The following LDHC variants were observed in gnomAD, a reference collection of about 807,000 sequenced individuals.
The protein encoded by LDHC is L-lactate dehydrogenase C chain.
In LDHC, 20 loss-of-function variants were observed where a neutral mutation model predicts 30.2. That is an observed-to-expected ratio of 0.66 (90% CI 0.47 to 0.96). The LOEUF (loss-of-function observed/expected upper bound fraction) is 0.96. LDHC is among the 40% of genes least tolerant of loss of function. The probability of loss-of-function intolerance (pLI) is 0.00; values close to 1 mark genes in which losing one functional copy is unlikely to be tolerated. For missense variants in LDHC, 362 were observed against 394.9 expected, an observed-to-expected ratio of 0.92 and a Z score of 0.71; for synonymous variants, 139 against 132.7, an observed-to-expected ratio of 1.05 and a Z score of -0.32.
intron 6 of LDHC, among the ~76,000 whole-genome samples, chr11:18,444,670 T>C (rs1477804532): frequency 1.4e-5 from 2 of 139,120 alleles, no homozygotes; most frequent in Admixed American, 7.5e-5. Flanking sequence ...GGCAACCAAG[T>C]GTGTTATGTG....
Position 18,426,604 on chromosome 11 carries a change from A to G in LDHC, c.245-3133A>G, listed in dbSNP as rs149846025. ...AGTGAAATCAGAACCTATTATTAAT[A>G]TTATGGTGCTTATGATTAAGTTAGG... is the stretch of plus-strand genomic sequence containing the variant. On this transcript the variant is annotated intron_variant, in intron 3 of 7. Coordinates refer to ENST00000541669, the MANE Select transcript of LDHC (RefSeq NM_017448.5). Among the ~76,000 whole-genome samples, 56 of 152,174 alleles carry G rather than the reference A, an allele frequency of 3.7e-4. 1 individual carries two copies. Among genetic ancestry groups the G allele is most frequent in the African/African-American group, 1.3e-3 (53 of 41,556 alleles).
At chr11:18,443,460 CTTT>C (rs34546967) in intron 6 of LDHC, among the ~76,000 whole-genome samples, 11 of 135,738 alleles carry the variant, frequency 8.1e-5, no homozygotes, top group South Asian at 4.7e-4. Context: ...TTCTTTCTTT[CTTT>C]TTTTTTTTTT....
chr11:18,431,305 A>G (rs1417764389), intron 4 of LDHC, among the ~76,000 whole-genome samples: 1 of 151,884 alleles, frequency 6.6e-6, no homozygotes, highest in Non-Finnish European at 1.5e-5. Flanking sequence ...TACTAAAAAT[A>G]CAAAATTAGC....
chr11:18,442,064 G>A (rs1349670216), intron 6 of LDHC, among the ~76,000 whole-genome samples: 1 of 147,002 alleles, frequency 6.8e-6, no homozygotes, highest in African/African-American at 2.6e-5. Context: ...CAACAGTTTT[G>A]TTTTTTGTTT....
chr11:18,448,428 C>T (rs529668381), intron 7 of LDHC, among the ~76,000 whole-genome samples: 18 of 152,076 alleles, frequency 1.2e-4, no homozygotes, highest in Non-Finnish European at 2.1e-4. Flanking sequence ...GGATTACAGG[C>T]ACGTGCCACC....
At chr11:18,446,029 T>C (rs1413351755) in intron 6 of LDHC, among the ~76,000 whole-genome samples, 181 bp from the exon 7 acceptor site, 2 of 152,182 alleles carry the variant, frequency 1.3e-5, no homozygotes, top group African/African-American at 2.4e-5. Context: ...TAGTGAAGTT[T>C]TATTAGACCA....
At chr11:18,427,708 C>T (rs564505693) in intron 3 of LDHC, among the ~76,000 whole-genome samples, 3 of 146,516 alleles carry the variant, frequency 2.0e-5, no homozygotes, top group East Asian at 2.0e-4. Context: ...GATGGAGTCT[C>T]GCTCTGTCAC....
At chr11:18,430,372 A>C (rs1848244933) in intron 4 of LDHC, among the ~76,000 whole-genome samples, 1 of 152,016 alleles carries the variant, frequency 6.6e-6, no homozygotes, top group South Asian at 2.1e-4. Flanking sequence ...GGTGTCATTC[A>C]ACCTCTGTCT....
intron 3 of LDHC, among the ~76,000 whole-genome samples, chr11:18,426,688 TA>T (rs1848167323): frequency 6.6e-6 from 1 of 152,152 alleles, no homozygotes; most frequent in Non-Finnish European, 1.5e-5. Context: ...GACTTTTTCA[TA>T]ATTATAGGCA....
chr11:18,418,585 A>G (rs1867064983), intron 3 of LDHC, among the ~76,000 whole-genome samples: 1 of 151,846 alleles, frequency 6.6e-6, no homozygotes, highest in Non-Finnish European at 1.5e-5. Context: ...GCATACCACC[A>G]TGCCCAGCTA....
At chr11:18,418,236 A>G (rs1199246768) in intron 3 of LDHC, among the ~76,000 whole-genome samples, 2 of 148,776 alleles carry the variant, frequency 1.3e-5, no homozygotes, top group Non-Finnish European at 3.0e-5. Context: ...ATAATAATAA[A>G]TACATAATTA....
Position 18,434,842 on chromosome 11 carries a change from T to G in LDHC, c.521T>G (p.Ile174Ser). 6.2e-7 allele frequency: 1 copy of G among 1,613,114 alleles called. No individual in the cohort carries two copies. Among genetic ancestry groups the G allele is most frequent in the Non-Finnish European group, 8.5e-7 (1 of 1,179,070 alleles). The change falls in exon 5 of 8, where the codon ATT (isoleucine) becomes AGT (serine). Residue 174 changes from isoleucine to serine, a missense_variant. Ile to Ser is a moderately radical substitution (Grantham distance 142). Transcript: ENST00000541669. ...GACTCTGCCCGTTTCCGTTACCTAA[T>G]TGGAGAAAAGTTGGGTGTCCACCCC... ...NLDSARFRYLIGEKLGVHPTS... is the reference protein window; with the variant it reads ...NLDSARFRYLSGEKLGVHPTS...
chr11:18,413,310 T>C (rs1866935486), intron 2 of LDHC, among the ~76,000 whole-genome samples: 1 of 152,026 alleles, frequency 6.6e-6, no homozygotes, highest in South Asian at 2.1e-4. Context: ...TTCGAACTCC[T>C]GACCTCAAGT....
intron 4 of LDHC, 62 bp from the exon 5 acceptor site, chr11:18,434,678 G>GAA: frequency 5.1e-6 from 5 of 981,894 alleles, no homozygotes; most frequent in South Asian, 1.5e-5. Context: ...ATGTATTCAG[G>GAA]AAAAAAAAAA....
chr11:18,446,428 T>C, intron 7 of LDHC, 95 bp downstream of exon 7: 1 of 905,592 alleles, frequency 1.1e-6, no homozygotes, highest in Non-Finnish European at 1.7e-6. Flanking sequence ...GTTGAGGATA[T>C]AATAGTGAAT....
At chr11:18,434,988 T>C (rs1848332677) in intron 5 of LDHC, 75 bp downstream of exon 5, 2 of 1,022,568 alleles carry the variant, frequency 2.0e-6, no homozygotes, top group Non-Finnish European at 2.8e-6. Context: ...TAAAGTTTTT[T>C]CCCTGATATT....
intron 7 of LDHC, 71 bp downstream of exon 7, chr11:18,446,404 G>A: frequency 2.7e-6 from 3 of 1,108,366 alleles, no homozygotes; most frequent in Non-Finnish European, 4.1e-6. Flanking sequence ...TATATGCCAG[G>A]CAGTGTACAA....
rs1848554734 is a variant in LDHC, at chr11:18,446,308, T to A, written c.809T>A (p.Val270Glu). ...TCCATTTTGAAAAATCTTAGGAGAG[T>A]GCACCCAGTTTCCACCATGGTTAAG... is the stretch of plus-strand genomic sequence containing the variant. ...VGSILKNLRRVHPVSTMVKGL... is the reference protein window; with the variant it reads ...VGSILKNLRREHPVSTMVKGL... Residue 270 changes from valine to glutamate, a missense_variant, in exon 7 of 8, where the codon GTG becomes GAG. Coordinates refer to ENST00000541669, the MANE Select transcript of LDHC (RefSeq NM_017448.5). 1 of 1,607,104 alleles carries A rather than the reference T, an allele frequency of 6.2e-7. No homozygotes were observed. Among genetic ancestry groups the A allele is most frequent in the Admixed American group, 1.7e-5 (1 of 59,906 alleles).
intron 6 of LDHC, among the ~76,000 whole-genome samples, chr11:18,439,822 A>AAAC (rs1554964748): frequency 2.8e-5 from 4 of 143,220 alleles, no homozygotes; most frequent in Non-Finnish European, 6.1e-5. Context: ...AAAAAAAAAA[A>AAAC]AAAAAAAAAA....
Sources: allele counts gnomAD v4.1 joint callset (sites outside exome capture counted in the v4.1 genomes callset), GRCh38; gene constraint gnomAD v4.1.1; transcripts MANE v1.5; gene names NCBI Gene and HGNC (gene_info 2026-07-23, HGNC 2026-07-21).